TMEM132D: variants seen among roughly 807,000 people sequenced by gnomAD.
TMEM132D encodes mature OL transmembrane protein.
A neutral mutation model predicts 62.3 loss-of-function variants in TMEM132D; 21 were observed. The ratio of observed to expected loss-of-function variants is 0.34; its 90% CI spans 0.24 to 0.49. The LOEUF (loss-of-function observed/expected upper bound fraction) is 0.49, where lower values mean the gene tolerates loss of function less well. Ranked by LOEUF, TMEM132D falls within the 20% of genes least tolerant of loss-of-function variation. The pLI, the probability that TMEM132D is intolerant of heterozygous loss-of-function variation, is 0.99. For missense variants in TMEM132D, 1,346 were observed against 1,402.8 expected, an observed-to-expected ratio of 0.96 and a Z score of 0.65; for synonymous variants, 621 against 575.6, an observed-to-expected ratio of 1.08 and a Z score of -1.13.
At chr12:129,350,636 CCT>C (rs1475852030) in intron 3 of TMEM132D, among the ~76,000 whole-genome samples, 2 of 152,178 alleles carry the variant, frequency 1.3e-5, no homozygotes, top group African/African-American at 4.8e-5. Flanking sequence ...CAGACTTCAG[CCT>C]CTCTGCATAA....
chr12:129,430,137 A>G (rs1245049879), intron 3 of TMEM132D, among the ~76,000 whole-genome samples: 1 of 152,160 alleles, frequency 6.6e-6, no homozygotes, highest in African/African-American at 2.4e-5. Flanking sequence ...TTCTAGTTCT[A>G]GATCCCTGAT....
At chr12:129,718,927 A>C (rs1241833282) in intron 1 of TMEM132D, among the ~76,000 whole-genome samples, 1 of 152,088 alleles carries the variant, frequency 6.6e-6, no homozygotes, top group Admixed American at 6.5e-5. Context: ...AGAAATGATC[A>C]TCTATCTTAA....
rs1372460342 is a variant in TMEM132D, at chr12:129,689,114, C to G, written c.968+10696G>C. ...AAATATTATCTGATCCAAATGTCAA[C>G]AGTATGAGGTTGAGAAACCTATTCT... is the stretch of plus-strand genomic sequence containing the variant. On this transcript the variant is annotated intron_variant, in intron 2 of 8. Coordinates refer to ENST00000422113, the MANE Select transcript of TMEM132D (RefSeq NM_133448.3). Among the ~76,000 whole-genome samples the G allele has an allele frequency of 2.7e-4, 41 of 152,168 alleles. 1 individual carries two copies.
intron 1 of TMEM132D, among the ~76,000 whole-genome samples, chr12:129,737,293 A>C (rs528901936): frequency 1.5e-4 from 23 of 152,314 alleles, no homozygotes; most frequent in African/African-American, 5.3e-4. Context: ...GCCAAGTAAC[A>C]ATCTCAGTTG....
At chr12:129,370,164 A>T (rs1487149088) in intron 3 of TMEM132D, among the ~76,000 whole-genome samples, 1 of 152,230 alleles carries the variant, frequency 6.6e-6, no homozygotes, top group Non-Finnish European at 1.5e-5. Flanking sequence ...CACAAATTCA[A>T]ATTTTCTTAA....
chr12:129,787,565 T>C (rs934528562), intron 1 of TMEM132D, among the ~76,000 whole-genome samples: 2 of 152,206 alleles, frequency 1.3e-5, no homozygotes, highest in African/African-American at 4.8e-5. Context: ...TTAATTCTCT[T>C]TCCCAAAACC....
At chr12:129,508,737 G>A (rs928692921) in intron 3 of TMEM132D, among the ~76,000 whole-genome samples, 1 of 143,420 alleles carries the variant, frequency 7.0e-6, no homozygotes, top group African/African-American at 2.7e-5. Flanking sequence ...AATAAACTAA[G>A]AGTCTCAAAA....
chr12:129,441,753 G>A (rs1384798093), intron 3 of TMEM132D, among the ~76,000 whole-genome samples: 1 of 152,052 alleles, frequency 6.6e-6, no homozygotes, highest in Non-Finnish European at 1.5e-5. Flanking sequence ...CAGCAACAGT[G>A]GAGTAAATAA....
chr12:129,760,200 C>A (rs1870306762), intron 1 of TMEM132D, among the ~76,000 whole-genome samples: 1 of 152,080 alleles, frequency 6.6e-6, no homozygotes, highest in South Asian at 2.1e-4. Flanking sequence ...AGCCACTGTG[C>A]CCAGCCCATC....
At chr12:129,629,955 T>C (rs563712870) in intron 2 of TMEM132D, among the ~76,000 whole-genome samples, 1 of 152,334 alleles carries the variant, frequency 6.6e-6, no homozygotes, top group African/African-American at 2.4e-5. Context: ...TGTTTTATCT[T>C]TGAATTGAGC....
intron 3 of TMEM132D, among the ~76,000 whole-genome samples, chr12:129,400,109 G>A (rs1049622429): frequency 7.2e-5 from 11 of 151,928 alleles, no homozygotes; most frequent in African/African-American, 2.2e-4. Flanking sequence ...TCCAAGAATA[G>A]GTTCCAAGGA....
intron 1 of TMEM132D, among the ~76,000 whole-genome samples, chr12:129,765,637 C>G (rs1870526680): frequency 6.7e-6 from 1 of 150,270 alleles, no homozygotes; most frequent in South Asian, 2.1e-4. Flanking sequence ...GAGATTAAAC[C>G]AAATTCCCTC....
chr12:129,227,298 G>GAA (rs991143508), intron 4 of TMEM132D, among the ~76,000 whole-genome samples: 10 of 66,590 alleles, frequency 1.5e-4, no homozygotes, highest in African/African-American at 6.4e-4. Flanking sequence ...CCTGCGTTAG[G>GAA]AAATATATAT....
intron 2 of TMEM132D, among the ~76,000 whole-genome samples, chr12:129,631,796 C>A (rs536995641): frequency 6.6e-6 from 1 of 152,248 alleles, no homozygotes; most frequent in African/African-American, 2.4e-5. Context: ...CAGAGGGATA[C>A]AGAATTGGTG....
At chr12:129,218,525 T>C (rs1879270606) in intron 4 of TMEM132D, among the ~76,000 whole-genome samples, 1 of 152,090 alleles carries the variant, frequency 6.6e-6, no homozygotes, top group Non-Finnish European at 1.5e-5. Context: ...TATCTCAACA[T>C]AGAAAACTGA....
At chr12:129,241,178 A>G (rs904560025) in intron 4 of TMEM132D, among the ~76,000 whole-genome samples, 7 of 151,594 alleles carry the variant, frequency 4.6e-5, no homozygotes, top group African/African-American at 1.7e-4. Context: ...AAAGGAAAGA[A>G]AAAAACTCCA....
intron 1 of TMEM132D, among the ~76,000 whole-genome samples, chr12:129,863,988 T>C (rs1007408307): frequency 1.3e-5 from 2 of 152,148 alleles, no homozygotes; most frequent in Non-Finnish European, 2.9e-5. Flanking sequence ...GTGAGCCCAA[T>C]TGCGCTACCA....
chr12:129,210,538 C>T (rs1879008052), intron 4 of TMEM132D, among the ~76,000 whole-genome samples: 1 of 152,148 alleles, frequency 6.6e-6, no homozygotes, highest in African/African-American at 2.4e-5. Context: ...TAGGGATGTC[C>T]CGGCTTGCCC....
intron 2 of TMEM132D, among the ~76,000 whole-genome samples, chr12:129,609,005 A>T (rs914401399): frequency 2.0e-5 from 3 of 147,744 alleles, no homozygotes; most frequent in Admixed American, 6.8e-5. Context: ...TAGTGGCGTG[A>T]TCTTGGCCCA....
Sources: gnomAD v4.1 joint callset for allele counts (sites outside exome capture counted in the v4.1 genomes callset) on GRCh38, gnomAD v4.1.1 for gene constraint, MANE v1.5 for transcripts, NCBI Gene and HGNC (gene_info 2026-07-23, HGNC 2026-07-21) for gene names.